MEF2A: variants seen among roughly 807,000 people sequenced by gnomAD.
MEF2A encodes myocyte enhancer factor 2A, also known as myocyte-specific enhancer factor 2A.
A neutral mutation model predicts 55.8 loss-of-function variants in MEF2A; 28 were observed. The observed-to-expected ratio is 0.50, with a 90% CI of 0.37 to 0.69. The LOEUF (loss-of-function observed/expected upper bound fraction) is 0.69, where lower values mean the gene tolerates loss of function less well. Ranked by LOEUF, MEF2A falls within the 30% of genes least tolerant of loss-of-function variation. The probability of loss-of-function intolerance (pLI) is 0.00; values close to 1 mark genes in which losing one functional copy is unlikely to be tolerated. For synonymous variants in MEF2A, 239 were observed against 227.1 expected (o/e 1.05, Z -0.47); for missense variants, 528 against 626.2 (o/e 0.84, Z 1.67).
At chr15:99,588,263 T>G (rs1182082675) in intron 1 of MEF2A, among the ~76,000 whole-genome samples, 1 of 152,028 alleles carries the variant, frequency 6.6e-6, no homozygotes, top group Non-Finnish European at 1.5e-5. Flanking sequence ...ACCACAGGCG[T>G]GTGCCACCAC....
At chr15:99,667,600 G>A (rs975928556) in intron 4 of MEF2A, among the ~76,000 whole-genome samples, 2 of 151,986 alleles carry the variant, frequency 1.3e-5, no homozygotes, top group Non-Finnish European at 2.9e-5. Flanking sequence ...TAGTGAGGGA[G>A]CCTGAAAAAA....
intron 2 of MEF2A, among the ~76,000 whole-genome samples, chr15:99,603,401 C>T (rs1314712684): frequency 3.4e-5 from 5 of 147,916 alleles, no homozygotes; most frequent in Non-Finnish European, 7.4e-5. Context: ...CAAAGACAGT[C>T]TCACTCTGTT....
chr15:99,694,894 C>T (rs962213502), intron 8 of MEF2A, among the ~76,000 whole-genome samples: 1 of 151,856 alleles, frequency 6.6e-6, no homozygotes, highest in Non-Finnish European at 1.5e-5. Context: ...TACAATACCA[C>T]GTTTTTCTGT....
At chr15:99,602,672 G>C (rs1319981927) in intron 2 of MEF2A, among the ~76,000 whole-genome samples, 1 of 116,026 alleles carries the variant, frequency 8.6e-6, no homozygotes, top group African/African-American at 3.3e-5. Flanking sequence ...GTGTGTGTGT[G>C]TGTGTGTGTG....
At chr15:99,696,006 A>G (rs1230564907) in intron 8 of MEF2A, among the ~76,000 whole-genome samples, 2 of 152,238 alleles carry the variant, frequency 1.3e-5, no homozygotes, top group African/African-American at 4.8e-5. Context: ...TAAGCTTCAC[A>G]ACAAGGAAGA....
intron 8 of MEF2A, among the ~76,000 whole-genome samples, chr15:99,691,480 C>T (rs989958032): frequency 2.0e-5 from 3 of 152,032 alleles, no homozygotes; most frequent in African/African-American, 7.3e-5. Context: ...GGCGGATCAC[C>T]TGAGGTCAGG....
chr15:99,651,935 C>G (rs989905148), intron 4 of MEF2A, among the ~76,000 whole-genome samples: 2 of 152,022 alleles, frequency 1.3e-5, no homozygotes, highest in African/African-American at 4.8e-5. Context: ...TAATACATTT[C>G]TTGTGATTAT....
In MEF2A at chr15:99,674,706, A is replaced by G. The variant is rs565358948; in HGVS notation, c.610+94A>G. 115 of 1,060,454 alleles carry G rather than the reference A, an allele frequency of 1.1e-4. No homozygotes were observed. In the African/African-American group the frequency reaches 1.7e-3, roughly 16 times the overall value. 65.7% of individuals were successfully genotyped at this position (1,060,454 alleles called of 1,614,324 possible). On this transcript the variant is annotated intron_variant, in intron 6 of 11. Transcript: ENST00000557942. ...CAGTTTCTTATTTTGCTATTCTTTT[A>G]TTGCTTTGATGAGCAAGAATCACTG...
intron 4 of MEF2A, among the ~76,000 whole-genome samples, chr15:99,657,818 G>T (rs1163919089): frequency 6.6e-6 from 1 of 152,022 alleles, no homozygotes; most frequent in African/African-American, 2.4e-5. Context: ...GCAGATAGGG[G>T]AAAGAAGAGA....
intron 1 of MEF2A, among the ~76,000 whole-genome samples, chr15:99,574,579 A>G (rs187663155): frequency 1.8e-4 from 27 of 152,166 alleles, no homozygotes; most frequent in African/African-American, 6.3e-4. Flanking sequence ...GGAGTGCACA[A>G]CCTAGATCCT....
At chr15:99,598,172 G>A (rs186479423) in intron 1 of MEF2A, among the ~76,000 whole-genome samples, 23 of 152,212 alleles carry the variant, frequency 1.5e-4, no homozygotes, top group African/African-American at 4.1e-4. Context: ...TTTGAATCTC[G>A]CGATGCAAAG....
In MEF2A at chr15:99,580,329, C is replaced by G. The variant is rs568933150; in HGVS notation, c.-225+14225C>G. 1.1e-3 allele frequency among the ~76,000 whole-genome samples: 163 copies of G among 152,170 alleles called. 2 individuals carry two copies. The highest frequency in any genetic ancestry group is 3.7e-3 in the African/African-American group (154 of 41,514). On this transcript the variant is annotated intron_variant, in intron 1 of 11. Coordinates refer to ENST00000557942, the MANE Select transcript of MEF2A (RefSeq NM_001319206.4). ...TTGGAATAGAATTTCCTTTTCCTTT[C>G]TTGTTTTTTCACATGGTTTAGGGAT...
chr15:99,655,660 G>A (rs2047582886), intron 4 of MEF2A, among the ~76,000 whole-genome samples: 3 of 152,074 alleles, frequency 2.0e-5, no homozygotes, highest in Admixed American at 2.0e-4. Context: ...ATTATAGAAA[G>A]AGGAATGCAA....
At chr15:99,611,575 A>G (rs1260981299) in intron 2 of MEF2A, among the ~76,000 whole-genome samples, 1 of 152,220 alleles carries the variant, frequency 6.6e-6, no homozygotes, top group Non-Finnish European at 1.5e-5. Flanking sequence ...TGCTGGTGGT[A>G]ATGTGAAATG....
intron 3 of MEF2A, among the ~76,000 whole-genome samples, chr15:99,636,015 GCTGGCAGA>G (rs1170978892): frequency 6.6e-6 from 1 of 152,128 alleles, no homozygotes; most frequent in Non-Finnish European, 1.5e-5. Flanking sequence ...TTTACACTCT[GCTGGCAGA>G]GTGTAAGAGT....
intron 4 of MEF2A, among the ~76,000 whole-genome samples, chr15:99,669,829 A>G (rs1215760575): frequency 1.3e-5 from 2 of 152,238 alleles, no homozygotes; most frequent in Non-Finnish European, 2.9e-5. Context: ...ATTATTGCTA[A>G]TCATATTTTA....
At chr15:99,657,702 T>G (rs946796229) in intron 4 of MEF2A, among the ~76,000 whole-genome samples, 1 of 152,132 alleles carries the variant, frequency 6.6e-6, no homozygotes, top group Non-Finnish European at 1.5e-5. Flanking sequence ...TTTATGAGCC[T>G]AATAGATACC....
intron 7 of MEF2A, among the ~76,000 whole-genome samples, chr15:99,684,077 A>G (rs1217423345): frequency 6.6e-6 from 1 of 152,142 alleles, no homozygotes; most frequent in African/African-American, 2.4e-5. Context: ...CATGGTGTAC[A>G]TATATGTATA....
intron 7 of MEF2A, chr15:99,681,843 A>G (rs1412553955): frequency 2.0e-5 from 3 of 152,224 alleles, no homozygotes; most frequent in African/African-American, 4.8e-5. Context: ...AAGGAGTTGG[A>G]TAAGTTGAGA....
Sources: gnomAD v4.1 joint callset for allele counts (sites outside exome capture counted in the v4.1 genomes callset) on GRCh38, gnomAD v4.1.1 for gene constraint, MANE v1.5 for transcripts, NCBI Gene and HGNC (gene_info 2026-07-23, HGNC 2026-07-21) for gene names.